EEF1E1: variants seen among roughly 807,000 people sequenced by gnomAD.
EEF1E1 encodes eukaryotic translation elongation factor 1 epsilon-1.
In EEF1E1, 19 loss-of-function variants were observed where a neutral mutation model predicts 19.9. The ratio of observed to expected loss-of-function variants is 0.95; its 90% CI spans 0.66 to 1.40. The LOEUF (loss-of-function observed/expected upper bound fraction) is 1.40, where lower values mean the gene tolerates loss of function less well. Among genes scored for constraint, EEF1E1 ranks in the 40% most tolerant of loss-of-function variants. The probability of loss-of-function intolerance (pLI) is 0.00; values close to 1 mark genes in which losing one functional copy is unlikely to be tolerated. For synonymous variants in EEF1E1, 81 were observed against 80.0 expected (o/e 1.01, Z -0.07); for missense variants, 198 against 202.2 (o/e 0.98, Z 0.13).
At chr6:8,093,373 G>A (rs182886333) in intron 2 of EEF1E1, among the ~76,000 whole-genome samples, 1 of 118,868 alleles carries the variant, frequency 8.4e-6, no homozygotes, top group East Asian at 2.4e-4. Flanking sequence ...TTGTCAAACT[G>A]TTAAATACTT....
intron 1 of EEF1E1, chr6:8,102,210 T>G (rs75178878): frequency 8.3e-5 from 57 of 684,156 alleles, no homozygotes; most frequent in Non-Finnish European, 1.0e-4. Context: ...GGAGGTGAAG[T>G]TCAGGCCAAG....
At position 8,102,009 on chromosome 6, in the gene EEF1E1, C is replaced by G; in HGVS notation, c.87+426G>C. 4 of 1,226,244 alleles carry G rather than the reference C, an allele frequency of 3.3e-6. No homozygotes were observed. In the South Asian group the frequency reaches 5.8e-5, roughly 18 times the overall value. The allele number at this position is 1,226,244 out of a possible 1,614,324, so 76.0% of individuals were successfully genotyped here. A position where few individuals can be genotyped will look rare whatever the true frequency, so the allele number is the denominator to read the frequency against. ...CTAAATCATCATTGTATTCCCCAGA[C>G]CCAGCACGGTGCTACCTGGCACCCT... On this transcript the variant is annotated intron_variant, in intron 1 of 3. Transcript: ENST00000379715.
chr6:8,102,362 C>G, intron 1 of EEF1E1, 73 bp downstream of exon 1: 1 of 1,467,018 alleles, frequency 6.8e-7, no homozygotes, highest in East Asian at 2.3e-5. Context: ...GGTGGCCGGC[C>G]CGGGTCCTGC....
At chr6:8,099,899 T>C (rs937178794) in intron 1 of EEF1E1, among the ~76,000 whole-genome samples, 11 of 152,134 alleles carry the variant, frequency 7.2e-5, no homozygotes, top group Non-Finnish European at 1.3e-4. Flanking sequence ...TGTATGTCAA[T>C]GTGTTGATGT....
At chr6:8,086,256 T>A (rs900199818) in intron 3 of EEF1E1, among the ~76,000 whole-genome samples, 5 of 152,156 alleles carry the variant, frequency 3.3e-5, no homozygotes, top group Non-Finnish European at 7.4e-5. Flanking sequence ...CTTCTATGAC[T>A]GTCATGAAGC....
At chr6:8,077,813 A>G (rs1327213726), downstream of EEF1E1, among the ~76,000 whole-genome samples, 1 of 152,088 alleles carries the variant, frequency 6.6e-6, no homozygotes, top group African/African-American at 2.4e-5. Context: ...TTATTTTGAG[A>G]CAGGGGCTCA....
chr6:8,095,308 C>T, intron 2 of EEF1E1: 1 of 341,154 alleles, frequency 2.9e-6, no homozygotes. Flanking sequence ...CGAGACCAGC[C>T]TGGCCAACAT....
intron 1 of EEF1E1, among the ~76,000 whole-genome samples, chr6:8,101,243 A>AATAT (rs1216617377): frequency 1.6e-3 from 91 of 58,352 alleles, no homozygotes; most frequent in East Asian, 2.7e-3. Context: ...AAAAAAAAAA[A>AATAT]ATATATATAT....
chr6:8,091,182 A>G (rs978028871), intron 2 of EEF1E1, among the ~76,000 whole-genome samples: 1 of 152,092 alleles, frequency 6.6e-6, no homozygotes, highest in Non-Finnish European at 1.5e-5. Flanking sequence ...ATCCTCACCA[A>G]CACATGTTGT....
chr6:8,078,630 C>T, downstream of EEF1E1: 11 of 1,200,672 alleles, frequency 9.2e-6, no homozygotes, highest in South Asian at 1.5e-5. Flanking sequence ...TGAGGCATGC[C>T]TGTGCCCACA....
chr6:8,081,538 A>C (rs756304666), intron 3 of EEF1E1, among the ~76,000 whole-genome samples: 50 of 152,358 alleles, frequency 3.3e-4, no homozygotes, highest in Non-Finnish European at 6.6e-4. Flanking sequence ...CTGTGGAATA[A>C]ACTGAGCATC....
At chr6:8,090,978 T>C (rs1757997847) in intron 2 of EEF1E1, among the ~76,000 whole-genome samples, 1 of 152,232 alleles carries the variant, frequency 6.6e-6, no homozygotes. Context: ...ACTGTAATGC[T>C]GCTGTGAACA....
chr6:8,085,017 G>C lies in EEF1E1; in HGVS notation c.385-4987C>G, dbSNP rs144438625. Among the ~76,000 whole-genome samples, 271 of 152,228 alleles carry C rather than the reference G, an allele frequency of 1.8e-3. 3 individuals are homozygous for C. The highest frequency in any genetic ancestry group is 6.3e-3 in the African/African-American group (260 of 41,532). On this transcript the variant is annotated intron_variant, in intron 3 of 3. Coordinates refer to ENST00000379715, the MANE Select transcript of EEF1E1 (RefSeq NM_004280.5). ...TGAACCTAGCATGGAATAAAAGAAG[G>C]TGGTAATCAATGTACTTCAGCTCCA...
At chr6:8,095,403 T>C (rs751279764) in intron 2 of EEF1E1, 1 of 400,040 alleles carries the variant, frequency 2.5e-6, no homozygotes, top group Non-Finnish European at 5.1e-6. Flanking sequence ...CTCGGGAGGC[T>C]GAGGCACGAG....
intron 3 of EEF1E1, among the ~76,000 whole-genome samples, chr6:8,082,162 T>C (rs1422439127): frequency 3.3e-5 from 5 of 152,228 alleles, no homozygotes; most frequent in Non-Finnish European, 5.9e-5. Context: ...AACTTAAACA[T>C]TTTACATTTG....
chr6:8,096,672 A>G, intron 2 of EEF1E1, among the ~76,000 whole-genome samples: 1 of 152,226 alleles, frequency 6.6e-6, no homozygotes, highest in East Asian at 1.9e-4. Context: ...TTCTTTTTAT[A>G]TAAATAAATT....
intron 3 of EEF1E1, among the ~76,000 whole-genome samples, chr6:8,085,218 C>T (rs1581460849): frequency 6.6e-6 from 1 of 152,132 alleles, no homozygotes; most frequent in Admixed American, 6.5e-5. Context: ...GCAATCATGA[C>T]TCACTGTGGC....
At chr6:8,090,988 A>C (rs1757998153) in intron 2 of EEF1E1, among the ~76,000 whole-genome samples, 1 of 152,222 alleles carries the variant, frequency 6.6e-6, no homozygotes, top group Non-Finnish European at 1.5e-5. Flanking sequence ...TGCTGTGAAC[A>C]GGAGCGTACA....
At chr6:8,078,619 A>T, downstream of EEF1E1, 1 of 1,163,744 alleles carries the variant, frequency 8.6e-7, no homozygotes, top group Non-Finnish European at 1.1e-6. Context: ...ATGCAGTAAA[A>T]TGAGGCATGC....
Sources: allele counts gnomAD v4.1 joint callset (sites outside exome capture counted in the v4.1 genomes callset), GRCh38; gene constraint gnomAD v4.1.1; transcripts MANE v1.5; gene names NCBI Gene and HGNC (gene_info 2026-07-23, HGNC 2026-07-21).